The following GALNTL6 variants were observed in gnomAD, a reference collection of about 807,000 sequenced individuals.
The protein encoded by GALNTL6 is polypeptide N-acetylgalactosaminyltransferase-like 6.
Under a neutral mutation model 73.7 loss-of-function variants are expected in GALNTL6, and 46 were observed. That is an observed-to-expected ratio of 0.62 (90% CI 0.49 to 0.80). The LOEUF (loss-of-function observed/expected upper bound fraction) is 0.80, where lower values mean the gene tolerates loss of function less well. GALNTL6 is among the 30% of genes least tolerant of loss of function. The pLI, the probability that GALNTL6 is intolerant of heterozygous loss-of-function variation, is 0.00. For missense variants in GALNTL6, 604 were observed against 755.0 expected (o/e 0.80, Z 2.34); for synonymous variants, 259 against 263.7 (o/e 0.98, Z 0.17).
chr4:171,876,012 T>C (rs1167262726), intron 2 of GALNTL6, among the ~76,000 whole-genome samples: 1 of 152,128 alleles, frequency 6.6e-6, no homozygotes, highest in East Asian at 1.9e-4. Context: ...GTTATTTTAA[T>C]AGGAAAATAA....
intron 2 of GALNTL6, among the ~76,000 whole-genome samples, chr4:172,161,892 G>A (rs1169772581): frequency 1.3e-5 from 2 of 151,968 alleles, no homozygotes; most frequent in African/African-American, 4.8e-5. Flanking sequence ...AAAAGAAATA[G>A]TATGTAAATA....
chr4:171,833,794 A>T (rs1388367753), intron 2 of GALNTL6, among the ~76,000 whole-genome samples: 1 of 151,762 alleles, frequency 6.6e-6, no homozygotes, highest in East Asian at 1.9e-4. Flanking sequence ...CAAATAGGGG[A>T]ATTATTTTAG....
intron 5 of GALNTL6, among the ~76,000 whole-genome samples, chr4:172,393,905 C>A (rs1036930308): frequency 3.9e-5 from 6 of 152,056 alleles, no homozygotes; most frequent in Admixed American, 1.3e-4. Flanking sequence ...TTAATTCAGT[C>A]ACTCACATTG....
intron 2 of GALNTL6, among the ~76,000 whole-genome samples, chr4:172,165,740 A>G (rs963378564): frequency 1.3e-5 from 2 of 152,246 alleles, no homozygotes; most frequent in Non-Finnish European, 2.9e-5. Context: ...ATCATCTTCT[A>G]GTGATACTCA....
chr4:172,973,212 C>T (rs1175729821), intron 10 of GALNTL6, among the ~76,000 whole-genome samples: 1 of 152,190 alleles, frequency 6.6e-6, no homozygotes, highest in East Asian at 1.9e-4. Context: ...AATTATCAAG[C>T]TACCATCACC....
rs201130172 is a variant in GALNTL6 at position 172,985,363 on chromosome 4, C to CCT, written c.1372-23813_1372-23812dup. Among the ~76,000 whole-genome samples, 610 of 151,352 alleles carry CCT rather than the reference C, an allele frequency of 4.0e-3. 11 individuals are homozygous for CCT. The highest frequency in any genetic ancestry group is 5.4e-3 in the East Asian group (28 of 5,162). ...ATAATAAATTGTTGTCATTGTGACC[C>CCT]CTCACATTCATAATCAGACAAACTA... On this transcript the variant is annotated intron_variant, in intron 10 of 12. Transcript: ENST00000506823.
intron 2 of GALNTL6, among the ~76,000 whole-genome samples, chr4:171,838,476 T>C (rs1353997948): frequency 6.6e-6 from 1 of 152,066 alleles, no homozygotes; most frequent in Middle Eastern, 3.2e-3. Flanking sequence ...AATATTTTAT[T>C]GTTCTCCCTT....
chr4:172,007,541 CAAT>C, intron 2 of GALNTL6, among the ~76,000 whole-genome samples: 1 of 152,132 alleles, frequency 6.6e-6, no homozygotes, highest in South Asian at 2.1e-4. Context: ...GAATATACAA[CAAT>C]ATCGATCATT....
intron 2 of GALNTL6, among the ~76,000 whole-genome samples, chr4:172,084,742 C>A (rs1035397915): frequency 6.6e-6 from 1 of 152,108 alleles, no homozygotes; most frequent in Non-Finnish European, 1.5e-5. Context: ...TGTTGCATTT[C>A]TTCATCTGAT....
At chr4:171,870,206 G>A (rs965285216) in intron 2 of GALNTL6, among the ~76,000 whole-genome samples, 1 of 152,160 alleles carries the variant, frequency 6.6e-6, no homozygotes. Flanking sequence ...CCTTTACAAT[G>A]AGTATGATTA....
intron 2 of GALNTL6, among the ~76,000 whole-genome samples, chr4:171,890,508 C>T (rs1457853060): frequency 6.6e-6 from 1 of 152,012 alleles, no homozygotes; most frequent in Non-Finnish European, 1.5e-5. Context: ...TATGTCCTAT[C>T]TTCTTGAAAG....
chr4:172,560,994 C>G (rs974148890), intron 5 of GALNTL6, among the ~76,000 whole-genome samples: 5 of 152,070 alleles, frequency 3.3e-5, no homozygotes, highest in Admixed American at 1.3e-4. Context: ...TGGCTCACGC[C>G]TGTAATCCCA....
chr4:172,686,828 A>G (rs1732945108), intron 5 of GALNTL6, among the ~76,000 whole-genome samples: 1 of 152,176 alleles, frequency 6.6e-6, no homozygotes, highest in Non-Finnish European at 1.5e-5. Flanking sequence ...TTTAGGCCTC[A>G]TCTATCCATG....
chr4:172,140,526 A>G (rs1428515604), intron 2 of GALNTL6, among the ~76,000 whole-genome samples: 4 of 152,072 alleles, frequency 2.6e-5, no homozygotes, highest in South Asian at 4.1e-4. Context: ...TGACATAGGT[A>G]TCACTATTTT....
intron 2 of GALNTL6, among the ~76,000 whole-genome samples, chr4:171,945,653 C>A (rs947988317): frequency 6.6e-6 from 1 of 152,054 alleles, no homozygotes; most frequent in Non-Finnish European, 1.5e-5. Context: ...AAAATAATAG[C>A]ATGACATACA....
At chr4:172,716,931 C>T (rs1259882128) in intron 5 of GALNTL6, among the ~76,000 whole-genome samples, 1 of 152,146 alleles carries the variant, frequency 6.6e-6, no homozygotes, top group African/African-American at 2.4e-5. Context: ...TATGTATTTT[C>T]ATATATTAAA....
rs937640149 is a variant in GALNTL6 at position 172,274,298 on chromosome 4, A to G, written c.248-37316A>G. Among the ~76,000 whole-genome samples, 77 of 152,188 alleles carry G rather than the reference A, an allele frequency of 5.1e-4. 1 individual carries two copies. The highest frequency in any genetic ancestry group is 4.7e-3 in the Admixed American group (72 of 15,266). ...ACCTGTCTTGAGAGTTTATGCCTAG[A>G]CTATTTAAATGATTTACACATTTTA... On this transcript the variant is annotated intron_variant, in intron 3 of 12. Coordinates refer to ENST00000506823, the MANE Select transcript of GALNTL6 (RefSeq NM_001034845.3).
At chr4:172,082,663 T>C (rs756985642) in intron 2 of GALNTL6, among the ~76,000 whole-genome samples, 25 of 152,290 alleles carry the variant, frequency 1.6e-4, no homozygotes, top group Non-Finnish European at 2.8e-4. Context: ...CCAGTTATCA[T>C]TCTGGAATTT....
intron 2 of GALNTL6, among the ~76,000 whole-genome samples, chr4:171,975,276 T>A (rs1333631965): frequency 6.6e-6 from 1 of 152,178 alleles, no homozygotes; most frequent in Non-Finnish European, 1.5e-5. Flanking sequence ...ACCCAGGATA[T>A]CTGACTCCAG....
Sources: gnomAD v4.1 joint callset for allele counts (sites outside exome capture counted in the v4.1 genomes callset) on GRCh38, gnomAD v4.1.1 for gene constraint, MANE v1.5 for transcripts, NCBI Gene and HGNC (gene_info 2026-07-23, HGNC 2026-07-21) for gene names.